The following UNC5D variants were observed in gnomAD, a reference collection of about 807,000 sequenced individuals.
UNC5D encodes netrin receptor UNC5D.
UNC5D carries 39 observed loss-of-function variants against 105.4 expected under a neutral mutation model. The observed-to-expected ratio is 0.37, with a 90% confidence interval of 0.29 to 0.48. The LOEUF is 0.48. Among genes scored for constraint, UNC5D ranks in the 20% least tolerant of loss-of-function variants. The pLI is 0.98. For missense variants in UNC5D, 991 were observed against 1,202.4 expected, an observed-to-expected ratio of 0.82 and a Z score of 2.60; for synonymous variants, 452 against 450.4, an observed-to-expected ratio of 1.00 and a Z score of -0.04.
intron 1 of UNC5D, among the ~76,000 whole-genome samples, chr8:35,369,949 A>G (rs570206240): frequency 1.3e-5 from 2 of 152,062 alleles, no homozygotes; most frequent in African/African-American, 2.4e-5. Context: ...GTACCTTTGT[A>G]TCCTCTCTCC....
At position 35,721,455 on chromosome 8, in the gene UNC5D, G is replaced by C. The variant is rs1182164546; in HGVS notation, c.1118-755G>C. 5.7e-6 allele frequency: 4 copies of C among 702,796 alleles called. No individual in the cohort carries two copies. In the African/African-American group the frequency reaches 7.0e-5, roughly 12 times the overall value. The allele number at this position is 702,796 out of a possible 1,614,324, so 43.5% of individuals were successfully genotyped here. On this transcript the variant is annotated intron_variant, in intron 8 of 16. Coordinates refer to ENST00000404895, the MANE Select transcript of UNC5D (RefSeq NM_080872.4). ...TTTGCTTTGCCCATGCATTCAATAG[G>C]ATGGAGTAGGAGAGGTATGGGAGAA...
chr8:35,615,032 AG>A (rs56673042), intron 4 of UNC5D, among the ~76,000 whole-genome samples: 8,076 of 30,574 alleles, frequency 0.26, 935 homozygotes, highest in Non-Finnish European at 0.34. Flanking sequence ...CAACATAGTG[AG>A]GGGCCCCCCC....
chr8:35,263,157 A>G (rs1441437798), intron 1 of UNC5D, among the ~76,000 whole-genome samples: 2 of 152,132 alleles, frequency 1.3e-5, no homozygotes, highest in African/African-American at 4.8e-5. Context: ...TCAGGCTGAC[A>G]AACTCCTATT....
intron 4 of UNC5D, among the ~76,000 whole-genome samples, chr8:35,624,834 C>A (rs2131046397): frequency 6.6e-6 from 1 of 152,320 alleles, no homozygotes; most frequent in East Asian, 1.9e-4. Context: ...TCTTCCCTCT[C>A]CACAGTCAGC....
chr8:35,644,389 A>C (rs1388367107), intron 4 of UNC5D, among the ~76,000 whole-genome samples: 1 of 152,130 alleles, frequency 6.6e-6, no homozygotes, highest in African/African-American at 2.4e-5. Flanking sequence ...CAGGGGACCA[A>C]GATGTTTGCC....
intron 1 of UNC5D, among the ~76,000 whole-genome samples, chr8:35,428,977 G>T (rs1806441172): frequency 6.6e-6 from 1 of 152,128 alleles, no homozygotes; most frequent in Non-Finnish European, 1.5e-5. Context: ...GAAAATGGGA[G>T]ATGTGACTAA....
chr8:35,470,064 G>A (rs1809592055), intron 1 of UNC5D, among the ~76,000 whole-genome samples: 1 of 152,174 alleles, frequency 6.6e-6, no homozygotes, highest in Admixed American at 6.6e-5. Context: ...GATTTTGAAT[G>A]ACTTTCCAGC....
At chr8:35,264,729 CAAAAAAAAAAA>C (rs6150548) in intron 1 of UNC5D, among the ~76,000 whole-genome samples, 1 of 142,562 alleles carries the variant, frequency 7.0e-6, no homozygotes, top group African/African-American at 2.7e-5. Context: ...GACTCTGTCT[CAAAAAAAAAAA>C]AAAAAAAAAA....
At chr8:35,392,520 C>T (rs1177209748) in intron 1 of UNC5D, among the ~76,000 whole-genome samples, 1 of 152,180 alleles carries the variant, frequency 6.6e-6, no homozygotes, top group Non-Finnish European at 1.5e-5. Flanking sequence ...TGCCTGGCCC[C>T]TCCCTCTATC....
intron 1 of UNC5D, among the ~76,000 whole-genome samples, chr8:35,264,341 G>A (rs1302163433): frequency 1.3e-5 from 2 of 152,226 alleles, no homozygotes; most frequent in African/African-American, 2.4e-5. Flanking sequence ...GCCTTTTCAT[G>A]TGAAATGTTT....
At chr8:35,649,998 G>T (rs559166083) in intron 4 of UNC5D, among the ~76,000 whole-genome samples, 1 of 152,272 alleles carries the variant, frequency 6.6e-6, no homozygotes, top group Admixed American at 6.5e-5. Context: ...TGGGTCAGAT[G>T]TTAATGTAAT....
intron 7 of UNC5D, among the ~76,000 whole-genome samples, chr8:35,691,958 A>C (rs1315708050): frequency 2.0e-5 from 3 of 152,166 alleles, no homozygotes; most frequent in African/African-American, 7.2e-5. Flanking sequence ...AGGGATTAGC[A>C]CCTAGATGTG....
At chr8:35,418,666 A>C (rs1244423907) in intron 1 of UNC5D, among the ~76,000 whole-genome samples, 3 of 152,198 alleles carry the variant, frequency 2.0e-5, no homozygotes, top group Non-Finnish European at 2.9e-5. Context: ...GGAGAACCTC[A>C]TTAAGGAAAG....
chr8:35,385,498 C>G (rs1236346012), intron 1 of UNC5D, among the ~76,000 whole-genome samples: 2 of 129,022 alleles, frequency 1.6e-5, no homozygotes, highest in African/African-American at 5.9e-5. Flanking sequence ...CAGAGTCTCG[C>G]TCTGTCGCCC....
chr8:35,361,989 G>A (rs28428555), intron 1 of UNC5D, among the ~76,000 whole-genome samples: 8,012 of 152,076 alleles, frequency 0.053, 247 homozygotes, highest in African/African-American at 0.087. Context: ...TAAACCTTAC[G>A]CAATTAGTGG....
chr8:35,711,297 A>G (rs1001671833), intron 8 of UNC5D, among the ~76,000 whole-genome samples: 2 of 152,042 alleles, frequency 1.3e-5, no homozygotes, highest in Non-Finnish European at 2.9e-5. Flanking sequence ...CTCCTGCCTC[A>G]GCCTCCCAAG....
At chr8:35,702,163 T>C (rs1385235785) in intron 7 of UNC5D, among the ~76,000 whole-genome samples, 1 of 152,086 alleles carries the variant, frequency 6.6e-6, no homozygotes, top group Non-Finnish European at 1.5e-5. Flanking sequence ...ATGATTTTTT[T>C]CCTAAACTAT....
intron 4 of UNC5D, among the ~76,000 whole-genome samples, chr8:35,605,306 C>G (rs7837468): frequency 2.3e-4 from 35 of 152,284 alleles, no homozygotes; most frequent in African/African-American, 8.2e-4. Flanking sequence ...TACTGGAGGT[C>G]CACTCCAGAC....
chr8:35,662,927 C>T lies in UNC5D; in HGVS notation c.571-20620C>T, dbSNP rs116345257. On this transcript the variant is annotated intron_variant, in intron 4 of 16. Coordinates refer to ENST00000404895, the MANE Select transcript of UNC5D (RefSeq NM_080872.4). ...CGCTAGATTCTCATAGGAGCGCAAACTCTCTTGTGAACTGCGTATGCGAGG... is the reference window on the plus strand; with the variant it reads ...CGCTAGATTCTCATAGGAGCGCAAATTCTCTTGTGAACTGCGTATGCGAGG... Among the ~76,000 whole-genome samples the T allele has an allele frequency of 2.9e-3, 449 of 152,292 alleles. 4 individuals carry two copies. The highest frequency in any genetic ancestry group is 0.01 in the African/African-American group (431 of 41,558).
Sources: allele counts gnomAD v4.1 joint callset (sites outside exome capture counted in the v4.1 genomes callset), GRCh38; gene constraint gnomAD v4.1.1; transcripts MANE v1.5; gene names NCBI Gene and HGNC (gene_info 2026-07-23, HGNC 2026-07-21).